Variants in HELZ observed in about 807,000 individuals in gnomAD.
HELZ encodes the protein helicase with zinc finger.
In HELZ, 23 loss-of-function variants were observed where a neutral mutation model predicts 218.2. That is an observed-to-expected ratio of 0.11 (90% confidence interval 0.08 to 0.15). The LOEUF (loss-of-function observed/expected upper bound fraction) is 0.15, where lower values mean the gene tolerates loss of function less well. HELZ is among the 10% of genes least tolerant of loss of function. The pLI is 1.00. For synonymous variants in HELZ, 814 were observed against 829.4 expected (o/e 0.98, Z 0.32); for missense variants, 1,813 against 2,353.7 (o/e 0.77, Z 4.75).
intron 8 of HELZ, among the ~76,000 whole-genome samples, chr17:67,194,445 A>C (rs151153349): frequency 1.3e-5 from 2 of 152,336 alleles, no homozygotes; most frequent in East Asian, 1.9e-4. Flanking sequence ...CTTACATAAC[A>C]AATTCCACTA....
intron 21 of HELZ, among the ~76,000 whole-genome samples, chr17:67,140,886 A>G (rs1307039059): frequency 6.6e-6 from 1 of 152,242 alleles, no homozygotes; most frequent in Non-Finnish European, 1.5e-5. Context: ...AGATTTCTCA[A>G]CAGAAACAAT....
intron 17 of HELZ, among the ~76,000 whole-genome samples, chr17:67,152,626 GAT>G (rs1174953180): frequency 6.6e-6 from 1 of 152,062 alleles, no homozygotes; most frequent in Non-Finnish European, 1.5e-5. Context: ...ATATTCAGTA[GAT>G]ATCCAAGTGG....
chr17:67,200,306 C>T (rs1262822668), intron 7 of HELZ, among the ~76,000 whole-genome samples: 1 of 152,160 alleles, frequency 6.6e-6, no homozygotes, highest in Non-Finnish European at 1.5e-5. Flanking sequence ...TGTCCCTGAC[C>T]TTCCATGTGT....
chr17:67,148,150 G>C (rs576738209), intron 20 of HELZ, among the ~76,000 whole-genome samples: 5 of 152,172 alleles, frequency 3.3e-5, no homozygotes, highest in Non-Finnish European at 5.9e-5. Context: ...GGGCCGGGAG[G>C]GGGGCAGTCT....
intron 12 of HELZ, among the ~76,000 whole-genome samples, chr17:67,183,382 TTCAG>T (rs780419808): frequency 2.4e-4 from 36 of 152,360 alleles, no homozygotes; most frequent in Non-Finnish European, 4.6e-4. Context: ...CATACTTCTA[TTCAG>T]TTTCTTTTAT....
At chr17:67,154,266 A>G (rs1179801359) in intron 17 of HELZ, among the ~76,000 whole-genome samples, 4 of 152,144 alleles carry the variant, frequency 2.6e-5, no homozygotes. Context: ...CGTATCTACT[A>G]AAAATACAAA....
intron 31 of HELZ, among the ~76,000 whole-genome samples, chr17:67,103,541 G>A (rs2036992722): frequency 6.6e-6 from 1 of 152,174 alleles, no homozygotes; most frequent in Admixed American, 6.5e-5. Context: ...AACAAAAGAA[G>A]TGCAAGACTT....
intron 12 of HELZ, among the ~76,000 whole-genome samples, chr17:67,187,247 T>C (rs2039780256): frequency 6.6e-6 from 1 of 152,142 alleles, no homozygotes; most frequent in Non-Finnish European, 1.5e-5. Flanking sequence ...CAAAAATACA[T>C]ACTACAGAAT....
chr17:67,208,424 A>G (rs1178908565), intron 5 of HELZ, among the ~76,000 whole-genome samples: 8 of 152,050 alleles, frequency 5.3e-5, no homozygotes, highest in Non-Finnish European at 1.5e-5. Flanking sequence ...TTGTTTTGAT[A>G]TGGTGCCAGA....
chr17:67,126,300 G>A (rs2037793787), intron 24 of HELZ, among the ~76,000 whole-genome samples: 1 of 152,150 alleles, frequency 6.6e-6, no homozygotes, highest in Admixed American at 6.5e-5. Context: ...TTGTAAAGCT[G>A]GAAGAACGCT....
intron 3 of HELZ, among the ~76,000 whole-genome samples, chr17:67,233,077 T>C (rs1390250028): frequency 6.6e-6 from 1 of 152,170 alleles, no homozygotes; most frequent in Non-Finnish European, 1.5e-5. Context: ...GAGGTTGCAG[T>C]GAGTCGAGAT....
At chr17:67,092,910 G>A (rs1401615125) in intron 31 of HELZ, among the ~76,000 whole-genome samples, 1 of 151,502 alleles carries the variant, frequency 6.6e-6, no homozygotes, top group Non-Finnish European at 1.5e-5. Flanking sequence ...GGAAGTTGCA[G>A]TGAGCCAAGA....
chr17:67,221,423 G>A (rs2040742024), intron 3 of HELZ, among the ~76,000 whole-genome samples: 1 of 152,134 alleles, frequency 6.6e-6, no homozygotes, highest in African/African-American at 2.4e-5. Context: ...CCTAGAATTA[G>A]CAAATCTTCC....
chr17:67,077,309 CA>C lies in HELZ; in HGVS notation c.*942del, dbSNP rs2036042551. On this transcript the variant is annotated 3_prime_UTR_variant, in exon 33 of 33. Transcript: ENST00000358691. ...AATTTTTACTGGAGAGAAAAAAACC[CA>C]AACCTTAAAGCGGCACAATTCTTTA... The C allele has an allele frequency of 6.6e-6, 1 of 152,206 alleles. No individual in the cohort carries two copies. Among genetic ancestry groups the C allele is most frequent in the South Asian group, 2.1e-4 (1 of 4,806 alleles). The allele number at this position is 152,206 out of a possible 1,614,324, so 9.4% of individuals were successfully genotyped here. A position where few individuals can be genotyped will look rare whatever the true frequency, so the allele number is the denominator to read the frequency against.
chr17:67,160,139 A>G (rs1160596719), intron 17 of HELZ, 122 bp downstream of exon 17: 1 of 631,864 alleles, frequency 1.6e-6, no homozygotes, highest in Non-Finnish European at 2.8e-6. Context: ...AAAAGACATA[A>G]CCTCTAAATG....
intron 6 of HELZ, among the ~76,000 whole-genome samples, chr17:67,203,053 T>C (rs1002647248): frequency 3.3e-5 from 5 of 151,660 alleles, no homozygotes; most frequent in Non-Finnish European, 5.9e-5. Context: ...GCCCAGGAGG[T>C]TGAAGCTGCA....
At chr17:67,159,747 AAATGGTAGC>A (rs1176911311) in intron 17 of HELZ, among the ~76,000 whole-genome samples, 1 of 152,128 alleles carries the variant, frequency 6.6e-6, no homozygotes, top group Non-Finnish European at 1.5e-5. Flanking sequence ...TTTGTCTCTT[AAATGGTAGC>A]AAAAGTTGTT....
intron 5 of HELZ, among the ~76,000 whole-genome samples, chr17:67,208,827 C>CT (rs1289895906): frequency 1.3e-5 from 2 of 151,636 alleles, no homozygotes; most frequent in Non-Finnish European, 2.9e-5. Context: ...GTCCCAGCTA[C>CT]TTGGGAGGCT....
intron 31 of HELZ, among the ~76,000 whole-genome samples, chr17:67,089,668 T>TATATATATATATATAGAGAGAGAG (rs71293575): frequency 1.4e-5 from 1 of 70,644 alleles, no homozygotes; most frequent in Non-Finnish European, 2.6e-5. Context: ...TATATATATA[T>TATATATATATATATAGAGAGAGAG]AGAGAGAGAG....
Sources: gnomAD v4.1 joint callset for allele counts (sites outside exome capture counted in the v4.1 genomes callset) on GRCh38, gnomAD v4.1.1 for gene constraint, MANE v1.5 for transcripts, NCBI Gene and HGNC (gene_info 2026-07-23, HGNC 2026-07-21) for gene names.